The following RBFOX2 variants were observed in gnomAD, a reference collection of about 807,000 sequenced individuals.
The protein encoded by RBFOX2 is RNA binding protein fox-1 homolog 2.
In RBFOX2, 10 loss-of-function variants were observed where a neutral mutation model predicts 49.1. That is an observed-to-expected ratio of 0.20 (90% CI 0.13 to 0.35). The LOEUF is 0.35. Among genes scored for constraint, RBFOX2 ranks in the 10% least tolerant of loss-of-function variants. The pLI, the probability that RBFOX2 is intolerant of heterozygous loss-of-function variation, is 1.00. For synonymous variants in RBFOX2, 183 were observed against 187.4 expected, an observed-to-expected ratio of 0.98 and a Z score of 0.19; for missense variants, 323 against 486.9, an observed-to-expected ratio of 0.66 and a Z score of 3.17.
chr22:35,897,188 AGACCACCT>A, intron 1 of RBFOX2: 1 of 723,166 alleles, frequency 1.4e-6, no homozygotes, highest in Non-Finnish European at 2.4e-6. Context: ...TTCTCTAAAG[AGACCACCT>A]GGCTGGGTGC....
intron 1 of RBFOX2, among the ~76,000 whole-genome samples, chr22:35,902,663 G>C (rs1569475762): frequency 1.3e-5 from 2 of 151,538 alleles, no homozygotes; most frequent in Non-Finnish European, 2.9e-5. Context: ...TGTTTGTTTT[G>C]AGACAGGATC....
At chr22:35,900,104 C>G (rs935665954) in intron 1 of RBFOX2, among the ~76,000 whole-genome samples, 1 of 152,112 alleles carries the variant, frequency 6.6e-6, no homozygotes, top group Non-Finnish European at 1.5e-5. Flanking sequence ...TCCAATAATT[C>G]AAGAGGCTAC....
chr22:35,979,037 C>T (rs1034839762), intron 1 of RBFOX2, among the ~76,000 whole-genome samples: 1 of 152,168 alleles, frequency 6.6e-6, no homozygotes, highest in East Asian at 1.9e-4. Context: ...GCTTAACCAG[C>T]TGTTCAAGGT....
Position 35,816,865 on chromosome 22 carries a change from C to A in RBFOX2, c.28-6861G>T, listed in dbSNP as rs1366924034. Among the ~76,000 whole-genome samples the A allele has an allele frequency of 3.3e-5, 5 of 152,196 alleles. No individual in the cohort carries two copies. In the East Asian group the frequency reaches 9.6e-4, roughly 29 times the overall value. ...AAGAAACTACTTCCATACAACCCAG[C>A]TCCTCACACCTACCAACTCATCTTT... On this transcript the variant is annotated intron_variant, in intron 1 of 11. Coordinates refer to ENST00000405409, the Ensembl canonical transcript of RBFOX2.
At chr22:35,894,660 C>T (rs5755979) in intron 1 of RBFOX2, among the ~76,000 whole-genome samples, 33,372 of 151,990 alleles carry the variant, frequency 0.22, 5,684 homozygotes, top group African/African-American at 0.48. Context: ...TCACAATCAC[C>T]GCTAGGTTTT....
In RBFOX2 at chr22:35,938,018, C is replaced by CT. The variant is rs1014680403; in HGVS notation, c.-34+828dup. On this transcript the variant is annotated intron_variant, in intron 1 of 13. Transcript: ENST00000359369. ...TCCTGGACAAGTATAACAATGGTAG[C>CT]TTTTTTTGACAACCCTGTAAGGAAT... Among the ~76,000 whole-genome samples the CT allele has an allele frequency of 1.1e-4, 16 of 152,130 alleles. 1 individual carries two copies. Among genetic ancestry groups the CT allele is most frequent in the Non-Finnish European group, 1.9e-4 (13 of 68,018 alleles).
upstream of RBFOX2, among the ~76,000 whole-genome samples, chr22:35,940,301 A>G (rs1427704969): frequency 6.6e-6 from 1 of 152,216 alleles, no homozygotes; most frequent in Non-Finnish European, 1.5e-5. Context: ...AGGAATTCAG[A>G]CAGTTCTGCA....
chr22:35,799,760 C>A (rs1416578072), intron 2 of RBFOX2, among the ~76,000 whole-genome samples: 1 of 151,952 alleles, frequency 6.6e-6, no homozygotes, highest in African/African-American at 2.4e-5. Flanking sequence ...CCAGCCAGAG[C>A]AAGACACAGG....
chr22:35,853,658 CGTGTGT>C (rs36048607), intron 1 of RBFOX2, among the ~76,000 whole-genome samples: 4,579 of 141,086 alleles, frequency 0.032, 71 homozygotes, highest in Middle Eastern at 0.053. Context: ...TATATACACA[CGTGTGT>C]GTGTGTGTGT....
rs553682235 is a variant in RBFOX2, at chr22:35,861,821, GA to G, written c.-33-51818del. 4.5e-4 allele frequency among the ~76,000 whole-genome samples: 68 copies of G among 152,122 alleles called. 1 individual carries two copies. The South Asian group carries it at 0.014, about 31-fold the overall frequency. On this transcript the variant is annotated intron_variant, in intron 1 of 13. Transcript: ENST00000359369. ...AAGAACATATAAAGAATATGAATAT[GA>G]ATACTCATAAAAAATCTATTTGTCT...
chr22:35,986,049 T>G (rs576606126), intron 1 of RBFOX2, among the ~76,000 whole-genome samples: 14 of 152,166 alleles, frequency 9.2e-5, no homozygotes, highest in African/African-American at 3.1e-4. Flanking sequence ...AATTCTAACC[T>G]CTCCCTCAGA....
intron 1 of RBFOX2, among the ~76,000 whole-genome samples, chr22:35,902,069 G>A (rs887491665): frequency 5.9e-5 from 9 of 151,788 alleles, no homozygotes; most frequent in Admixed American, 1.3e-4. Flanking sequence ...GACAGAGTGA[G>A]ACTCTGTCTC....
Position 35,846,137 on chromosome 22 carries a change from C to T in RBFOX2, c.-33-36133G>A, listed in dbSNP as rs1055433062. On this transcript the variant is annotated intron_variant, in intron 1 of 13. Transcript: ENST00000359369. ...ATAAACTATATAAGTATAAACTATACTTGCATATGTTAATATAATTACATA... is the reference window on the plus strand; with the variant it reads ...ATAAACTATATAAGTATAAACTATATTTGCATATGTTAATATAATTACATA... 2.0e-5 allele frequency among the ~76,000 whole-genome samples: 3 copies of T among 148,250 alleles called. No individual in the cohort carries two copies. The East Asian group carries it at 5.9e-4, about 29-fold the overall frequency.
chr22:35,774,442 A>G (rs1353080516), intron 4 of RBFOX2, among the ~76,000 whole-genome samples: 1 of 152,176 alleles, frequency 6.6e-6, no homozygotes, highest in Non-Finnish European at 1.5e-5. Context: ...GTACATTTTT[A>G]AAAGCCTAGT....
chr22:35,971,543 C>T (rs1382905927), intron 1 of RBFOX2, among the ~76,000 whole-genome samples: 2 of 152,046 alleles, frequency 1.3e-5, no homozygotes, highest in Non-Finnish European at 2.9e-5. Context: ...TCCCAACCCA[C>T]AAGAAACATA....
In RBFOX2 at chr22:35,759,942, G is replaced by C; in HGVS notation, c.833C>G (p.Thr278Arg). 6.2e-7 allele frequency: 1 copy of C among 1,613,740 alleles called. No homozygotes were observed. Among genetic ancestry groups the C allele is most frequent in the Non-Finnish European group, 8.5e-7 (1 of 1,180,016 alleles). ...TACCGCTCGGACTGCACCATATACTGTCCGCCCTCTGCCCCTCAAATGGGC... is the reference window on the plus strand; with the variant it reads ...TACCGCTCGGACTGCACCATATACTCTCCGCCCTCTGCCCCTCAAATGGGC... Residue 278 changes from threonine to arginine, a missense_variant, in exon 9 of 12, where the codon ACA becomes AGA. By Grantham distance (71) the Thr-to-Arg change is moderately conservative. Transcript: ENST00000405409. The surrounding 1 kb of genome is among the most constrained non-coding windows in gnomAD (Gnocchi z 4.6).
At chr22:35,846,070 C>T (rs555154034) in intron 1 of RBFOX2, among the ~76,000 whole-genome samples, 2 of 149,970 alleles carry the variant, frequency 1.3e-5, no homozygotes, top group South Asian at 2.1e-4. Flanking sequence ...AATATAATTA[C>T]ATACACTATA....
chr22:35,893,355 A>G (rs567583072), intron 1 of RBFOX2, among the ~76,000 whole-genome samples: 9 of 152,254 alleles, frequency 5.9e-5, no homozygotes, highest in Non-Finnish European at 7.3e-5. Context: ...TAACTGTAAC[A>G]TAAGCACAAA....
intron 1 of RBFOX2, among the ~76,000 whole-genome samples, chr22:35,830,867 A>C (rs1022607555): frequency 3.9e-5 from 6 of 152,176 alleles, no homozygotes; most frequent in Non-Finnish European, 7.3e-5. Context: ...AAAGGAAGTA[A>C]AGAAGGAGAA....
Sources: gnomAD v4.1 joint callset for allele counts (sites outside exome capture counted in the v4.1 genomes callset) on GRCh38, gnomAD v4.1.1 for gene constraint, Gnocchi (gnomAD v3.1) non-coding constraint, MANE v1.5 for transcripts, NCBI Gene and HGNC (gene_info 2026-07-23, HGNC 2026-07-21) for gene names.